The following AKR1E2 variants were observed in gnomAD, a reference collection of about 807,000 sequenced individuals.
AKR1E2 encodes the protein aldo-keto reductase family 1 member E2, also known as 1,5-anhydro-D-fructose reductase.
In AKR1E2, 43 loss-of-function variants were observed where a neutral mutation model predicts 41.9. That is an observed-to-expected ratio of 1.03 (90% CI 0.80 to 1.32). AKR1E2 has a LOEUF of 1.32. Ranked by LOEUF, AKR1E2 falls within the 40% of genes most tolerant of loss-of-function variation. The pLI is 0.00. For synonymous variants in AKR1E2, 121 were observed against 138.9 expected, an observed-to-expected ratio of 0.87 and a Z score of 0.91; for missense variants, 423 against 396.5, an observed-to-expected ratio of 1.07 and a Z score of -0.57.
chr10:4,869,414 C>T, the AKR1E2 span, among the ~76,000 whole-genome samples: 1 of 152,038 alleles, frequency 6.6e-6, no homozygotes, highest in Non-Finnish European at 1.5e-5. Context: ...TATCTTCTCT[C>T]TTTTTTTATG....
In AKR1E2 at chr10:4,830,976, A is replaced by G. The variant is rs552566672; in HGVS notation, c.207+134A>G. Reference sequence around the variant, plus strand: ...AATAAACAAGAATATTCACAGCTTCATGAGCATGCTGAATTATATTGTGTG... The same window carrying G: ...AATAAACAAGAATATTCACAGCTTCGTGAGCATGCTGAATTATATTGTGTG... On this transcript the variant is annotated intron_variant, in intron 2 of 9. Coordinates refer to ENST00000298375, the MANE Select transcript of AKR1E2 (RefSeq NM_001040177.3). The G allele has an allele frequency of 1.1e-4, 125 of 1,124,866 alleles. No individual in the cohort carries two copies. The South Asian group carries it at 1.8e-3, about 16-fold the overall frequency. 69.7% of individuals were successfully genotyped at this position (1,124,866 alleles called of 1,614,324 possible). A position where few individuals can be genotyped will look rare whatever the true frequency, so the allele number is the denominator to read the frequency against.
the AKR1E2 span, among the ~76,000 whole-genome samples, chr10:4,866,356 T>C: frequency 6.6e-6 from 1 of 152,212 alleles, no homozygotes; most frequent in Non-Finnish European, 1.5e-5. Flanking sequence ...CATTTTGAGA[T>C]GATTATAGAT....
chr10:4,859,442 G>A, the AKR1E2 span, among the ~76,000 whole-genome samples: 1 of 152,192 alleles, frequency 6.6e-6, no homozygotes, highest in Non-Finnish European at 1.5e-5. Context: ...GTAGTTATTT[G>A]ATATGTGAGA....
At chr10:4,833,274 C>A in intron 2 of AKR1E2, 76 bp from the exon 3 acceptor site, 2 of 1,198,250 alleles carry the variant, frequency 1.7e-6, no homozygotes, top group Non-Finnish European at 2.5e-6. Context: ...AAGACAGTAG[C>A]TTTGTGGGGC....
At position 4,833,318 on chromosome 10, in the gene AKR1E2, C is replaced by A. The variant is rs373132929; in HGVS notation, c.208-32C>A. 2.3e-5 allele frequency: 36 copies of A among 1,558,186 alleles called. No individual in the cohort carries two copies. In the African/African-American group the frequency reaches 4.5e-4, roughly 19 times the overall value. On this transcript the variant is annotated intron_variant, in intron 2 of 9. Coordinates refer to ENST00000298375, the MANE Select transcript of AKR1E2 (RefSeq NM_001040177.3). ...GGGTGCCATGCTGGCTCTGGGTGGG[C>A]ACGTGTGACGCTGGTCCCCTCTCCT...
rs1015552661 is a variant in AKR1E2, at chr10:4,835,759, G to T, written c.409G>T (p.Glu137Ter). The change falls in exon 4 of 10, where the codon GAG becomes TAG. Residue 137 changes from glutamate (E) to a stop codon, truncating the protein, a stop_gained. Transcript: ENST00000298375. LOFTEE classifies it high-confidence loss of function. ...TCGAGTGCAGGACTTGCCTCTGGAC[G>T]AGAGCAACATGGTTATTCCCAGTGA... Reference protein sequence around the residue: ...HPRVQDLPLDESNMVIPSDTD... With the variant: ...HPRVQDLPLD 4 of 1,614,130 alleles carry T rather than the reference G, an allele frequency of 2.5e-6. No homozygotes were observed. The highest frequency in any genetic ancestry group is 1.7e-5 in the Admixed American group (1 of 60,030).
chr10:4,858,241 A>G, the AKR1E2 span, among the ~76,000 whole-genome samples: 2 of 152,190 alleles, frequency 1.3e-5, no homozygotes, highest in Non-Finnish European at 2.9e-5. Flanking sequence ...TGAGAAGATC[A>G]ATTTTAGGCC....
At chr10:4,829,913 T>C (rs1165815930) in intron 1 of AKR1E2, among the ~76,000 whole-genome samples, 1 of 152,216 alleles carries the variant, frequency 6.6e-6, no homozygotes, top group Non-Finnish European at 1.5e-5. Flanking sequence ...TTATTCTTAA[T>C]CATATTTTTA....
intron 4 of AKR1E2, 105 bp from the exon 5 acceptor site, chr10:4,837,354 A>G: frequency 7.0e-7 from 1 of 1,423,328 alleles, no homozygotes; most frequent in Non-Finnish European, 9.4e-7. Flanking sequence ...TTGTAAAAAT[A>G]TTGGGTCCAA....
At chr10:4,831,924 CAGGAGGCCAGGT>C (rs1449177540) in intron 2 of AKR1E2, among the ~76,000 whole-genome samples, 1 of 152,092 alleles carries the variant, frequency 6.6e-6, no homozygotes, top group Non-Finnish European at 1.5e-5. Flanking sequence ...GAGGCAGAGG[CAGGAGGCCAGGT>C]AGGAGACATT....
intron 1 of AKR1E2, among the ~76,000 whole-genome samples, chr10:4,828,072 A>C (rs1036813727): frequency 6.6e-6 from 1 of 152,200 alleles, no homozygotes; most frequent in African/African-American, 2.4e-5. Context: ...ATAGTGAATA[A>C]ACATCACAGA....
rs1431482673 is a variant in AKR1E2, at chr10:4,837,443, A to T, written c.460-16A>T. On this transcript the variant is annotated splice_polypyrimidine_tract_variant and intron_variant, in intron 4 of 9. Transcript: ENST00000298375. ...TAGACAGAAGCTTCACACCCAGCAG[A>T]GTCGTTCTCTTATAGGCCATGGAGG... The T allele has an allele frequency of 6.2e-7, 1 of 1,613,498 alleles. No individual in the cohort carries two copies. The highest frequency in any genetic ancestry group is 1.1e-5 in the South Asian group (1 of 91,060).
chr10:4,827,586 C>T (rs887912677), intron 1 of AKR1E2, among the ~76,000 whole-genome samples: 1 of 150,686 alleles, frequency 6.6e-6, no homozygotes, highest in Non-Finnish European at 1.5e-5. Context: ...GACTAAAAAG[C>T]GTTTAAAATT....
At chr10:4,840,472 C>G (rs756510127) in intron 6 of AKR1E2, among the ~76,000 whole-genome samples, 3 of 152,232 alleles carry the variant, frequency 2.0e-5, no homozygotes, top group Admixed American at 2.0e-4. Flanking sequence ...CAATCCATTG[C>G]TCCCAGTGGG....
At position 4,834,850 on chromosome 10, in the gene AKR1E2, A is replaced by G. The variant is rs992572121; in HGVS notation, c.325-825A>G. Among the ~76,000 whole-genome samples, 8 of 152,244 alleles carry G rather than the reference A, an allele frequency of 5.3e-5. No homozygotes were observed. In the East Asian group the frequency reaches 9.6e-4, roughly 18 times the overall value. ...ATCGTCAGCATGTCTTCTGGCCAGT[A>G]GGAACTGCTAGGCCTTGTGTGATGC... On this transcript the variant is annotated intron_variant, in intron 3 of 9. Transcript: ENST00000298375.
chr10:4,829,332 T>C (rs960324727), intron 1 of AKR1E2, among the ~76,000 whole-genome samples: 6 of 152,232 alleles, frequency 3.9e-5, no homozygotes, highest in Non-Finnish European at 7.3e-5. Flanking sequence ...TGAGATACAC[T>C]CAACATGGGT....
intron 1 of AKR1E2, among the ~76,000 whole-genome samples, chr10:4,828,860 G>A (rs2961572): frequency 0.87 from 132,634 of 152,174 alleles, 59,295 homozygotes; most frequent in East Asian, 0.98. Context: ...TTTCTCTGAA[G>A]TTACATTTTC....
chr10:4,854,107 T>G, the AKR1E2 span, among the ~76,000 whole-genome samples: 5 of 151,096 alleles, frequency 3.3e-5, no homozygotes, highest in African/African-American at 9.8e-5. Flanking sequence ...TTTTTTTTTT[T>G]TTTTTAGACA....
chr10:4,862,049 T>A, the AKR1E2 span, among the ~76,000 whole-genome samples: 1 of 152,154 alleles, frequency 6.6e-6, no homozygotes, highest in Non-Finnish European at 1.5e-5. Context: ...TCTTCTAGGG[T>A]TTTTATGGTT....
Sources: gnomAD v4.1 joint callset for allele counts (sites outside exome capture counted in the v4.1 genomes callset) on GRCh38, gnomAD v4.1.1 for gene constraint, MANE v1.5 for transcripts, NCBI Gene and HGNC (gene_info 2026-07-23, HGNC 2026-07-21) for gene names.